ARFGAP3: variants seen among roughly 807,000 people sequenced by gnomAD.
ARFGAP3 encodes ADP-ribosylation factor GTPase-activating protein 3.
Under a neutral mutation model 75.0 loss-of-function variants are expected in ARFGAP3, and 72 were observed. The ratio of observed to expected loss-of-function variants is 0.96; its 90% CI spans 0.79 to 1.17. The LOEUF is 1.17. Ranked by LOEUF, ARFGAP3 falls within the 50% of genes most tolerant of loss-of-function variation. The pLI is 0.00. For missense variants in ARFGAP3, 620 were observed against 626.6 expected, an observed-to-expected ratio of 0.99 and a Z score of 0.11; for synonymous variants, 221 against 217.9, an observed-to-expected ratio of 1.01 and a Z score of -0.13.
At chr22:42,850,061 C>T (rs1927205763) in intron 1 of ARFGAP3, among the ~76,000 whole-genome samples, 1 of 151,996 alleles carries the variant, frequency 6.6e-6, no homozygotes, top group African/African-American at 2.4e-5. Flanking sequence ...AATTACTAGC[C>T]CCTTCAACAC....
At chr22:42,853,200 T>C (rs1927356474) in intron 1 of ARFGAP3, among the ~76,000 whole-genome samples, 1 of 152,254 alleles carries the variant, frequency 6.6e-6, no homozygotes, top group African/African-American at 2.4e-5. Context: ...AAAATGACAA[T>C]AGCATTCGTT....
At chr22:42,845,713 G>A (rs1391132643) in intron 2 of ARFGAP3, among the ~76,000 whole-genome samples, 1 of 152,022 alleles carries the variant, frequency 6.6e-6, no homozygotes, top group Non-Finnish European at 1.5e-5. Flanking sequence ...AGACTTAAAG[G>A]TAAGACCTAA....
chr22:42,817,999 GTTT>G, intron 9 of ARFGAP3, 142 bp from the exon 10 acceptor site: 2 of 1,184,512 alleles, frequency 1.7e-6, no homozygotes, highest in Non-Finnish European at 2.2e-6. Flanking sequence ...GCAAGTTGGT[GTTT>G]TTTCTACCTG....
intron 14 of ARFGAP3, among the ~76,000 whole-genome samples, chr22:42,802,747 G>A (rs556441569): frequency 2.7e-5 from 4 of 150,158 alleles, no homozygotes; most frequent in East Asian, 2.0e-4. Flanking sequence ...GACTACAGGC[G>A]CCCACCACCA....
rs183167121 is a variant in ARFGAP3, at chr22:42,835,548, G to T, written c.262-55C>A. On this transcript the variant is annotated intron_variant, in intron 3 of 15. Transcript: ENST00000263245. ...TTCGTAAAACTACGTATGGCCAGGC[G>T]CAGTGGCTCATGCCTGTAATCCCAG... 1.7e-5 allele frequency: 27 copies of T among 1,594,054 alleles called. No homozygotes were observed. In the Admixed American group the frequency reaches 4.5e-4, roughly 27 times the overall value.
intron 14 of ARFGAP3, among the ~76,000 whole-genome samples, chr22:42,806,771 G>A (rs1405107710): frequency 6.6e-6 from 1 of 152,194 alleles, no homozygotes; most frequent in Non-Finnish European, 1.5e-5. Context: ...CCACCTCTAA[G>A]GCTAAGATAG....
intron 13 of ARFGAP3, among the ~76,000 whole-genome samples, chr22:42,808,471 C>T (rs1925223944): frequency 6.6e-6 from 1 of 152,024 alleles, no homozygotes; most frequent in South Asian, 2.1e-4. Context: ...ATTACAGCTG[C>T]ACCAACAATT....
Position 42,839,305 on chromosome 22 carries a change from A to C in ARFGAP3, c.261+1639T>G, listed in dbSNP as rs113309067. ...ATTTGCTATATTTAAAGACATGAAGAATGGGTTTTTTGGTCGGGTGCTGTG... is the reference window on the plus strand; with the variant it reads ...ATTTGCTATATTTAAAGACATGAAGCATGGGTTTTTTGGTCGGGTGCTGTG... On this transcript the variant is annotated intron_variant, in intron 3 of 15. Transcript: ENST00000263245. 3.2e-4 allele frequency among the ~76,000 whole-genome samples: 49 copies of C among 152,188 alleles called. 1 individual carries two copies. The highest frequency in any genetic ancestry group is 1.0e-3 in the African/African-American group (43 of 41,520).
At chr22:42,852,889 C>T (rs1323278796) in intron 1 of ARFGAP3, among the ~76,000 whole-genome samples, 2 of 152,082 alleles carry the variant, frequency 1.3e-5, no homozygotes, top group Admixed American at 1.3e-4. Context: ...CTCAGCCTCC[C>T]GAACAGCTGA....
At chr22:42,810,113 C>T (rs1166546462) in intron 12 of ARFGAP3, among the ~76,000 whole-genome samples, 3 of 151,930 alleles carry the variant, frequency 2.0e-5, no homozygotes, top group Non-Finnish European at 2.9e-5. Context: ...TCCACACACA[C>T]ATTTCTTTCA....
chr22:42,806,864 A>G (rs1415794276), intron 14 of ARFGAP3, among the ~76,000 whole-genome samples: 3 of 152,252 alleles, frequency 2.0e-5, no homozygotes, highest in African/African-American at 7.2e-5. Context: ...TTGCCAGGCA[A>G]TGATGGGATG....
At chr22:42,809,873 G>A (rs1046111473) in intron 12 of ARFGAP3, among the ~76,000 whole-genome samples, 4 of 151,750 alleles carry the variant, frequency 2.6e-5, no homozygotes, top group Admixed American at 1.3e-4. Flanking sequence ...GCGTGGTGGC[G>A]GGCGCCTGTA....
chr22:42,822,017 T>C (rs138756807), intron 9 of ARFGAP3, among the ~76,000 whole-genome samples: 1 of 152,306 alleles, frequency 6.6e-6, no homozygotes, highest in Non-Finnish European at 1.5e-5. Flanking sequence ...AACACCTCCA[T>C]GCATCTCTGT....
chr22:42,817,980 A>C, intron 9 of ARFGAP3, 123 bp from the exon 10 acceptor site: 1 of 1,268,534 alleles, frequency 7.9e-7, no homozygotes, highest in Non-Finnish European at 1.0e-6. Context: ...ATAATTAACA[A>C]TTATGAAGGC....
chr22:42,812,458 T>C (rs1925409554), intron 11 of ARFGAP3, among the ~76,000 whole-genome samples: 1 of 151,822 alleles, frequency 6.6e-6, no homozygotes, highest in Non-Finnish European at 1.5e-5. Flanking sequence ...GGAAGCACAC[T>C]GGAAATAAGA....
chr22:42,817,864 G>A lies in ARFGAP3; in HGVS notation c.813-7C>T. ...TAATCGTAATGATGAAACACTGCCAGAAAAACCAAATACTCCTTAATTTAG... is the reference window on the plus strand; with the variant it reads ...TAATCGTAATGATGAAACACTGCCAAAAAAACCAAATACTCCTTAATTTAG... On this transcript the variant is annotated splice_polypyrimidine_tract_variant and splice_region_variant and intron_variant, in intron 9 of 15. Coordinates refer to ENST00000263245, the MANE Select transcript of ARFGAP3 (RefSeq NM_014570.5). 6.3e-7 allele frequency: 1 copy of A among 1,586,942 alleles called. No homozygotes were observed. The highest frequency in any genetic ancestry group is 1.8e-5 in the Admixed American group (1 of 56,242).
At chr22:42,803,515 G>A (rs9607953) in intron 14 of ARFGAP3, among the ~76,000 whole-genome samples, 5,856 of 152,296 alleles carry the variant, frequency 0.038, 160 homozygotes, top group African/African-American at 0.074. Context: ...TGAGGGGGCA[G>A]CTGGGTTTTA....
chr22:42,802,243 G>C (rs1315282197), intron 14 of ARFGAP3, among the ~76,000 whole-genome samples: 1 of 151,998 alleles, frequency 6.6e-6, no homozygotes, highest in Non-Finnish European at 1.5e-5. Flanking sequence ...TGTGACGTGG[G>C]AGGTGGAAGT....
chr22:42,822,172 C>A, intron 9 of ARFGAP3, 98 bp downstream of exon 9: 17 of 743,712 alleles, frequency 2.3e-5, no homozygotes, highest in Non-Finnish European at 3.0e-5. Flanking sequence ...ACCCTCCCTT[C>A]CCCCCCCACA....
Sources: allele counts gnomAD v4.1 joint callset (sites outside exome capture counted in the v4.1 genomes callset), GRCh38; gene constraint gnomAD v4.1.1; transcripts MANE v1.5; gene names NCBI Gene and HGNC (gene_info 2026-07-23, HGNC 2026-07-21).